The following COL19A1 variants were observed in gnomAD, a reference collection of about 807,000 sequenced individuals.
The protein encoded by COL19A1 is collagen type XIX alpha 1 chain.
A neutral mutation model predicts 190.2 loss-of-function variants in COL19A1; 159 were observed. The ratio of observed to expected loss-of-function variants is 0.84; its 90% CI spans 0.73 to 0.95. The LOEUF is 0.95. COL19A1 is among the 40% of genes least tolerant of loss of function. COL19A1 has a pLI of 0.00. For synonymous variants in COL19A1, 509 were observed against 458.9 expected (o/e 1.11, Z -1.39); for missense variants, 1,418 against 1,431.9 (o/e 0.99, Z 0.16).
At chr6:70,089,598 T>C (rs893141149) in intron 15 of COL19A1, among the ~76,000 whole-genome samples, 1 of 152,164 alleles carries the variant, frequency 6.6e-6, no homozygotes, top group African/African-American at 2.4e-5. Context: ...ACTGGAGTAG[T>C]TAATGCTTCA....
intron 4 of COL19A1, among the ~76,000 whole-genome samples, chr6:69,912,985 G>T (rs189463291): frequency 1.3e-5 from 2 of 152,266 alleles, no homozygotes; most frequent in African/African-American, 4.8e-5. Flanking sequence ...CTACTCAGGA[G>T]CCTCAGGTGG....
At chr6:69,906,584 G>A (rs975382977) in intron 4 of COL19A1, among the ~76,000 whole-genome samples, 4 of 152,260 alleles carry the variant, frequency 2.6e-5, no homozygotes, top group Middle Eastern at 3.4e-3. Flanking sequence ...ATGAGGCTAC[G>A]TGTGAAAAAA....
intron 6 of COL19A1, among the ~76,000 whole-genome samples, chr6:69,932,319 G>C (rs930028094): frequency 2.6e-5 from 4 of 151,878 alleles, no homozygotes; most frequent in African/African-American, 9.7e-5. Flanking sequence ...TTTTTTCCTT[G>C]TTGGTAAGTG....
chr6:69,942,466 G>A (rs1461703940), intron 9 of COL19A1, among the ~76,000 whole-genome samples: 2 of 152,048 alleles, frequency 1.3e-5, no homozygotes, highest in African/African-American at 4.8e-5. Context: ...GAACAGAAGA[G>A]CTTATTTATT....
At chr6:69,920,883 A>G (rs184022977) in intron 4 of COL19A1, among the ~76,000 whole-genome samples, 4 of 146,342 alleles carry the variant, frequency 2.7e-5, no homozygotes, top group African/African-American at 1.0e-4. Context: ...CATCCCATTG[A>G]GAATTTCTAG....
At chr6:69,921,513 T>TATATCATATATATTCATATATATTC (rs1561998804) in intron 4 of COL19A1, among the ~76,000 whole-genome samples, 1 of 14,690 alleles carries the variant, frequency 6.8e-5, no homozygotes. Context: ...TATATTCATA[T>TATATCATATATATTCATATATATTC]GTATATTCAT....
intron 2 of COL19A1, chr6:69,879,971 A>T (rs1340425228): frequency 5.4e-6 from 2 of 372,848 alleles, no homozygotes; most frequent in Admixed American, 8.9e-5. Flanking sequence ...CCTCTTCAAT[A>T]ATTATTCAAG....
chr6:69,978,933 G>A (rs1205294428), intron 11 of COL19A1, among the ~76,000 whole-genome samples: 1 of 151,732 alleles, frequency 6.6e-6, no homozygotes, highest in East Asian at 1.9e-4. Context: ...AGAATTCTGA[G>A]ACTATTGTTA....
At chr6:70,129,434 G>T (rs749729573) in intron 17 of COL19A1, among the ~76,000 whole-genome samples, 56 of 152,208 alleles carry the variant, frequency 3.7e-4, no homozygotes, top group Non-Finnish European at 6.2e-4. Context: ...TCCTAAGAAG[G>T]CAGAAGGCAT....
rs575561432 is a variant in COL19A1, at chr6:70,105,387, A to T, written c.1278+3165A>T. On this transcript the variant is annotated intron_variant, in intron 16 of 50. Coordinates refer to ENST00000620364, the MANE Select transcript of COL19A1 (RefSeq NM_001858.6). Reference sequence around the variant, plus strand: ...TGGCCAGGATGGTCTCGATCTCTTGACCTCGTGATCCACTCGCCTCAGCCT... The same window carrying T: ...TGGCCAGGATGGTCTCGATCTCTTGTCCTCGTGATCCACTCGCCTCAGCCT... Among the ~76,000 whole-genome samples, 17 of 151,990 alleles carry T rather than the reference A, an allele frequency of 1.1e-4. No homozygotes were observed. The South Asian group carries it at 2.3e-3, about 20-fold the overall frequency.
chr6:69,983,730 C>G (rs1006049668), intron 11 of COL19A1, among the ~76,000 whole-genome samples: 6 of 151,970 alleles, frequency 3.9e-5, no homozygotes, highest in Non-Finnish European at 7.4e-5. Flanking sequence ...AATTTTCTTT[C>G]TATTCTGTTA....
At chr6:69,896,259 C>A (rs552574281) in intron 2 of COL19A1, among the ~76,000 whole-genome samples, 2 of 152,048 alleles carry the variant, frequency 1.3e-5, no homozygotes, top group Non-Finnish European at 2.9e-5. Context: ...CCAAACAGGC[C>A]GGGCGCGGTG....
chr6:69,900,176 T>C, intron 3 of COL19A1, 63 bp from the exon 4 acceptor site: 1 of 1,108,778 alleles, frequency 9.0e-7, no homozygotes, highest in African/African-American at 1.6e-5. Context: ...CAACACAAAA[T>C]TCTGTTTAGA....
chr6:70,140,976 A>G lies in COL19A1; in HGVS notation c.1469A>G (p.Glu490Gly). 1 of 1,608,514 alleles carries G rather than the reference A, an allele frequency of 6.2e-7. No individual in the cohort carries two copies. Among genetic ancestry groups the G allele is most frequent in the Non-Finnish European group, 8.5e-7 (1 of 1,176,042 alleles). The change falls in exon 20 of 51, where the codon GAA becomes GGA. Residue 490 changes from glutamate to glycine, a missense_variant. Glu to Gly is a moderately conservative substitution (Grantham distance 98, BLOSUM62 -2). Coordinates refer to ENST00000620364, the MANE Select transcript of COL19A1 (RefSeq NM_001858.6). ...TAGGGAGAGCCTTTTACAAAAGGAG[A>G]AAAAGGAGATAGAGTAAGTAGATAT... is the stretch of plus-strand genomic sequence containing the variant. ...GEPGEPFTKG[E>G]KGDRGEPGVI...
intron 16 of COL19A1, among the ~76,000 whole-genome samples, chr6:70,121,018 A>C (rs1784854384): frequency 6.6e-6 from 1 of 152,096 alleles, no homozygotes; most frequent in Admixed American, 6.6e-5. Context: ...TCTGTGTCTT[A>C]TCTTATAAGG....
rs367762984 is a variant in COL19A1, at chr6:70,180,444, T to G, written c.2713-17T>G. On this transcript the variant is annotated splice_polypyrimidine_tract_variant and intron_variant, in intron 43 of 50. Coordinates refer to ENST00000620364, the MANE Select transcript of COL19A1 (RefSeq NM_001858.6). Reference sequence around the variant, plus strand: ...CATTTGTTGGCAATTAATTTGTGTCTGTGGATGTGTTTATAGGGTGAGAGA... The same window carrying G: ...CATTTGTTGGCAATTAATTTGTGTCGGTGGATGTGTTTATAGGGTGAGAGA... 17 of 1,614,022 alleles carry G rather than the reference T, an allele frequency of 1.1e-5. No homozygotes were observed. Among genetic ancestry groups the G allele is most frequent in the Non-Finnish European group, 1.4e-5 (17 of 1,180,010 alleles).
intron 20 of COL19A1, 113 bp downstream of exon 20, chr6:70,141,102 T>C: frequency 1.1e-6 from 1 of 923,234 alleles, no homozygotes; most frequent in Non-Finnish European, 1.6e-6. Context: ...ATAAGGTCCA[T>C]GAGCATTTTA....
chr6:69,894,078 C>T (rs1769549185), intron 2 of COL19A1, among the ~76,000 whole-genome samples: 2 of 152,158 alleles, frequency 1.3e-5, no homozygotes, highest in South Asian at 4.1e-4. Flanking sequence ...GTACCCCTAC[C>T]ACCTTGGGCA....
chr6:69,940,565 A>G lies in COL19A1; in HGVS notation c.936+2465A>G, dbSNP rs141705125. 2.7e-4 allele frequency among the ~76,000 whole-genome samples: 41 copies of G among 152,332 alleles called. No individual in the cohort carries two copies. The East Asian group carries it at 4.0e-3, about 15-fold the overall frequency. ...ATGTATCTTAGAGTAACAATGCATTATATGACTTCTCATCTGCAGTATGTT... is the reference window on the plus strand; with the variant it reads ...ATGTATCTTAGAGTAACAATGCATTGTATGACTTCTCATCTGCAGTATGTT... On this transcript the variant is annotated intron_variant, in intron 9 of 50. Transcript: ENST00000620364.
Sources: allele counts gnomAD v4.1 joint callset (sites outside exome capture counted in the v4.1 genomes callset), GRCh38; gene constraint gnomAD v4.1.1; transcripts MANE v1.5; gene names NCBI Gene and HGNC (gene_info 2026-07-23, HGNC 2026-07-21).